SDK1: variants seen among roughly 807,000 people sequenced by gnomAD.
SDK1 encodes protein sidekick-1.
Under a neutral mutation model 245.5 loss-of-function variants are expected in SDK1, and 157 were observed. The ratio of observed to expected loss-of-function variants is 0.64; its 90% confidence interval spans 0.56 to 0.73. SDK1 has a LOEUF of 0.73. Ranked by LOEUF, SDK1 falls within the 30% of genes least tolerant of loss-of-function variation. The pLI is 0.00. For synonymous variants in SDK1, 1,647 were observed against 1,278.5 expected, an observed-to-expected ratio of 1.29 and a Z score of -6.15; for missense variants, 3,583 against 3,002.3, an observed-to-expected ratio of 1.19 and a Z score of -4.52.
chr7:3,890,123 G>T (rs1781425021), intron 5 of SDK1, among the ~76,000 whole-genome samples: 1 of 152,208 alleles, frequency 6.6e-6, no homozygotes, highest in South Asian at 2.1e-4. Flanking sequence ...CTAGCTCAGA[G>T]TCCTGCAGAC....
chr7:4,233,952 T>A (rs1785975488), intron 41 of SDK1, among the ~76,000 whole-genome samples: 1 of 152,216 alleles, frequency 6.6e-6, no homozygotes, highest in African/African-American at 2.4e-5. Context: ...GGTGTGAGCA[T>A]GAGCCACGTG....
intron 28 of SDK1, among the ~76,000 whole-genome samples, chr7:4,143,834 C>T (rs1298945163): frequency 6.6e-6 from 1 of 152,210 alleles, no homozygotes; most frequent in Admixed American, 6.5e-5. Flanking sequence ...TTCACAGCCT[C>T]GTCCTCATCC....
chr7:4,220,671 G>T (rs1046555819), intron 39 of SDK1, among the ~76,000 whole-genome samples: 13 of 152,298 alleles, frequency 8.5e-5, no homozygotes, highest in African/African-American at 2.6e-4. Flanking sequence ...ACAGGAAGGC[G>T]TGGGCTGCAG....
chr7:3,599,958 A>G (rs148278986), intron 1 of SDK1, among the ~76,000 whole-genome samples: 69 of 152,334 alleles, frequency 4.5e-4, no homozygotes, highest in African/African-American at 1.4e-3. Context: ...GTATATATCT[A>G]TAATTAAATA....
chr7:3,926,256 C>G (rs1331973414), intron 5 of SDK1, among the ~76,000 whole-genome samples: 1 of 152,076 alleles, frequency 6.6e-6, no homozygotes, highest in African/African-American at 2.4e-5. Flanking sequence ...AAACCCTCAG[C>G]CAGAAGGAAT....
chr7:3,543,787 T>C (rs1779124977), intron 1 of SDK1, among the ~76,000 whole-genome samples: 1 of 152,198 alleles, frequency 6.6e-6, no homozygotes, highest in African/African-American at 2.4e-5. Context: ...CCATTTTGGG[T>C]GTATTCTGTA....
intron 5 of SDK1, among the ~76,000 whole-genome samples, chr7:3,873,910 G>C (rs1375307536): frequency 6.6e-5 from 10 of 152,134 alleles, no homozygotes; most frequent in Non-Finnish European, 1.5e-4. Flanking sequence ...TTCTTTGTCT[G>C]ATAGGTCCAA....
intron 1 of SDK1, among the ~76,000 whole-genome samples, chr7:3,482,363 A>G (rs1420609598): frequency 6.6e-6 from 1 of 152,156 alleles, no homozygotes; most frequent in Non-Finnish European, 1.5e-5. Flanking sequence ...TTCTGAACTC[A>G]AGGGCCGGGA....
chr7:4,113,094 C>T (rs1783454090), intron 23 of SDK1, among the ~76,000 whole-genome samples, 195 bp from the exon 24 acceptor site: 1 of 152,136 alleles, frequency 6.6e-6, no homozygotes, highest in African/African-American at 2.4e-5. Flanking sequence ...CAGGTGTGAG[C>T]CACCACACCT....
chr7:3,317,555 T>A (rs1241033372), intron 1 of SDK1, among the ~76,000 whole-genome samples: 1 of 131,794 alleles, frequency 7.6e-6, no homozygotes, highest in Non-Finnish European at 1.7e-5. Flanking sequence ...GGAGGGCGCT[T>A]CCTTCTGCCT....
chr7:4,104,745 C>G (rs1438306355), intron 22 of SDK1, among the ~76,000 whole-genome samples: 1 of 152,174 alleles, frequency 6.6e-6, no homozygotes, highest in African/African-American at 2.4e-5. Flanking sequence ...ACTCTGTCAT[C>G]CAGGCTGGAG....
intron 1 of SDK1, among the ~76,000 whole-genome samples, chr7:3,594,525 G>A (rs149139854): frequency 2.6e-5 from 4 of 152,288 alleles, no homozygotes; most frequent in Admixed American, 6.5e-5. Flanking sequence ...TTGAGAGACC[G>A]CCAAACCATT....
intron 4 of SDK1, among the ~76,000 whole-genome samples, chr7:3,761,256 C>T (rs1489256722): frequency 1.5e-5 from 2 of 131,604 alleles, no homozygotes; most frequent in Non-Finnish European, 3.1e-5. Flanking sequence ...TCAAGCCCCC[C>T]CTCCTTTTTT....
chr7:4,016,324 G>C (rs1786397504), intron 16 of SDK1, among the ~76,000 whole-genome samples: 1 of 152,244 alleles, frequency 6.6e-6, no homozygotes, highest in Admixed American at 6.5e-5. Flanking sequence ...AGGATGACAG[G>C]GCAGTCACTC....
At chr7:3,504,322 A>G (rs1261731487) in intron 1 of SDK1, among the ~76,000 whole-genome samples, 1 of 151,682 alleles carries the variant, frequency 6.6e-6, no homozygotes, top group Non-Finnish European at 1.5e-5. Context: ...TCTTAAAACC[A>G]CACAGTGATA....
chr7:3,930,491 T>C (rs1779938764), intron 5 of SDK1, among the ~76,000 whole-genome samples: 1 of 152,242 alleles, frequency 6.6e-6, no homozygotes, highest in Non-Finnish European at 1.5e-5. Context: ...AAGCCAGACG[T>C]GGCTTCCAGT....
At chr7:4,264,110 C>T (rs113135352) in intron 44 of SDK1, among the ~76,000 whole-genome samples, 1 of 71,578 alleles carries the variant, frequency 1.4e-5, no homozygotes, top group East Asian at 5.1e-4. Context: ...CCGCGTAGAC[C>T]TCTCCTGAGT....
intron 1 of SDK1, among the ~76,000 whole-genome samples, chr7:3,438,163 C>G (rs1780084250): frequency 6.6e-6 from 1 of 152,140 alleles, no homozygotes; most frequent in South Asian, 2.1e-4. Context: ...ATTGCATGGT[C>G]TTTTTGTTCA....
intron 22 of SDK1, among the ~76,000 whole-genome samples, chr7:4,083,460 C>T (rs1781193655): frequency 2.0e-5 from 3 of 151,538 alleles, no homozygotes; most frequent in Non-Finnish European, 1.5e-5. Flanking sequence ...TGACCTGTTC[C>T]TCTACCCCGT....
Sources: allele counts gnomAD v4.1 joint callset (sites outside exome capture counted in the v4.1 genomes callset), GRCh38; gene constraint gnomAD v4.1.1; transcripts MANE v1.5; gene names NCBI Gene and HGNC (gene_info 2026-07-23, HGNC 2026-07-21).